UCK2: variants seen among roughly 807,000 people sequenced by gnomAD.
The protein encoded by UCK2 is uridine-cytidine kinase 2.
UCK2 carries 6 observed loss-of-function variants against 30.8 expected under a neutral mutation model. The ratio of observed to expected loss-of-function variants is 0.19; its 90% confidence interval spans 0.11 to 0.38. The LOEUF (loss-of-function observed/expected upper bound fraction) is 0.38. Ranked by LOEUF, UCK2 falls within the 10% of genes least tolerant of loss-of-function variation. The pLI, the probability that UCK2 is intolerant of heterozygous loss-of-function variation, is 1.00. For synonymous variants in UCK2, 125 were observed against 133.6 expected (o/e 0.94, Z 0.45); for missense variants, 210 against 339.8 (o/e 0.62, Z 3.00).
intron 4 of UCK2, chr1:165,900,509 A>G (rs1647420829): frequency 6.6e-6 from 1 of 152,262 alleles, no homozygotes. Context: ...CCATAGAGGT[A>G]GAACAAGAAG....
intron 1 of UCK2, among the ~76,000 whole-genome samples, chr1:165,831,388 G>T (rs1194790250): frequency 6.6e-6 from 1 of 152,102 alleles, no homozygotes; most frequent in African/African-American, 2.4e-5. Flanking sequence ...CATCTCAAAA[G>T]CAAACCAAAC....
intron 3 of UCK2, chr1:165,891,632 G>A (rs1373338695): frequency 1.1e-5 from 3 of 272,742 alleles, no homozygotes; most frequent in African/African-American, 2.2e-5. Flanking sequence ...CAGTGCTGCT[G>A]TTCCTGGAAC....
At chr1:165,845,012 A>G (rs375938595) in intron 1 of UCK2, among the ~76,000 whole-genome samples, 13 of 152,304 alleles carry the variant, frequency 8.5e-5, no homozygotes, top group African/African-American at 3.1e-4. Flanking sequence ...TAGCAAATTA[A>G]TCGAACCTGA....
rs568459555 is a variant in UCK2 at position 165,872,817 on chromosome 1, G to T, written c.100-17387G>T. Among the ~76,000 whole-genome samples the T allele has an allele frequency of 8.5e-5, 13 of 152,260 alleles. No individual in the cohort carries two copies. In the East Asian group the frequency reaches 2.5e-3, roughly 29 times the overall value. ...TGTTTGAAAAAAATCATTCACACAT[G>T]GTTTTATATGTAGGGACTGCCTCTG... On this transcript the variant is annotated intron_variant, in intron 1 of 6. Coordinates refer to ENST00000367879, the MANE Select transcript of UCK2 (RefSeq NM_012474.5).
chr1:165,856,634 G>A (rs1373572639), intron 1 of UCK2, among the ~76,000 whole-genome samples: 1 of 152,140 alleles, frequency 6.6e-6, no homozygotes, highest in African/African-American at 2.4e-5. Flanking sequence ...AATGATTTCA[G>A]TAAGTGAACT....
intron 1 of UCK2, among the ~76,000 whole-genome samples, chr1:165,867,727 T>G (rs905108812): frequency 6.6e-6 from 1 of 152,258 alleles, no homozygotes; most frequent in Non-Finnish European, 1.5e-5. Flanking sequence ...TCTTGCTGTT[T>G]CCACTACATC....
intron 1 of UCK2, among the ~76,000 whole-genome samples, chr1:165,836,347 T>G (rs1419876082): frequency 1.3e-5 from 2 of 152,362 alleles, no homozygotes; most frequent in East Asian, 3.9e-4. Context: ...CTGTGGATAA[T>G]TACTATTTAA....
At chr1:165,883,132 G>C (rs1655541470) in intron 1 of UCK2, among the ~76,000 whole-genome samples, 2 of 152,096 alleles carry the variant, frequency 1.3e-5, no homozygotes, top group Admixed American at 6.5e-5. Context: ...ATGGCTCTCA[G>C]CTCTAATTAT....
At position 165,890,805 on chromosome 1, in the gene UCK2, G is replaced by A. The variant is rs1036307781; in HGVS notation, c.260-421G>A. 18 of 264,484 alleles carry A rather than the reference G, an allele frequency of 6.8e-5. 1 individual carries two copies. In the East Asian group the frequency reaches 1.5e-3, roughly 21 times the overall value. The allele number at this position is 264,484 out of a possible 1,614,324, so 16.4% of individuals were successfully genotyped here. On this transcript the variant is annotated intron_variant, in intron 2 of 6. Transcript: ENST00000367879. The stretch of plus-strand genomic sequence containing the variant: ...GTTTTTGCCCTACAGCCCTAGATCA[G>A]CACACTGCTCCTTTAGCTGGCTTGG...
Position 165,830,239 on chromosome 1 carries a change from A to G in UCK2, c.99+2307A>G, listed in dbSNP as rs967579071. On this transcript the variant is annotated intron_variant, in intron 1 of 6. Coordinates refer to ENST00000367879, the MANE Select transcript of UCK2 (RefSeq NM_012474.5). Reference sequence around the variant, plus strand: ...GGCTGATCTCAAATGCCTAGACTTAAGTGATCCGCCCGCCTCTGCCTCCCA... The same window carrying G: ...GGCTGATCTCAAATGCCTAGACTTAGGTGATCCGCCCGCCTCTGCCTCCCA... 1.8e-3 allele frequency among the ~76,000 whole-genome samples: 268 copies of G among 151,730 alleles called. 1 individual carries two copies. The highest frequency in any genetic ancestry group is 6.3e-3 in the African/African-American group (261 of 41,448).
At chr1:165,841,431 C>G (rs751683477) in intron 1 of UCK2, among the ~76,000 whole-genome samples, 1 of 152,004 alleles carries the variant, frequency 6.6e-6, no homozygotes, top group African/African-American at 2.4e-5. Flanking sequence ...TGATCCACCC[C>G]CAATCAGCCT....
At chr1:165,863,434 G>T (rs905738486) in intron 1 of UCK2, among the ~76,000 whole-genome samples, 2 of 152,170 alleles carry the variant, frequency 1.3e-5, no homozygotes, top group African/African-American at 4.8e-5. Flanking sequence ...TTGTTAAGCA[G>T]ATCTTCAGTA....
At chr1:165,890,463 G>T (rs1310459686) in intron 2 of UCK2, 100 bp downstream of exon 2, 2 of 1,229,786 alleles carry the variant, frequency 1.6e-6, no homozygotes, top group African/African-American at 3.0e-5. Flanking sequence ...TCGGAATCTT[G>T]TTTCTATCTA....
chr1:165,878,927 C>G (rs1303100936), intron 1 of UCK2, among the ~76,000 whole-genome samples: 1 of 152,146 alleles, frequency 6.6e-6, no homozygotes. Flanking sequence ...ATTTTGCAGC[C>G]CTACCAGCAA....
intron 1 of UCK2, among the ~76,000 whole-genome samples, chr1:165,840,332 G>A (rs1322218973): frequency 6.6e-6 from 1 of 152,240 alleles, no homozygotes; most frequent in East Asian, 1.9e-4. Flanking sequence ...ATTGTGGAAT[G>A]GTTAAATCAG....
At chr1:165,879,688 T>C (rs74118937) in intron 1 of UCK2, among the ~76,000 whole-genome samples, 3 of 151,974 alleles carry the variant, frequency 2.0e-5, no homozygotes, top group African/African-American at 7.3e-5. Context: ...TCTTTTCTCT[T>C]TTTTGATTCT....
intron 1 of UCK2, among the ~76,000 whole-genome samples, chr1:165,881,058 A>G (rs1655488318): frequency 6.6e-6 from 1 of 151,956 alleles, no homozygotes; most frequent in Admixed American, 6.6e-5. Context: ...CTATAGTCCC[A>G]GCTACTCGTT....
At chr1:165,865,202 CTAAGT>C (rs1466984910) in intron 1 of UCK2, among the ~76,000 whole-genome samples, 3 of 152,198 alleles carry the variant, frequency 2.0e-5, no homozygotes, top group African/African-American at 7.2e-5. Flanking sequence ...GGGCATCTTC[CTAAGT>C]TAATTTTTTG....
chr1:165,896,010 GC>G, intron 3 of UCK2, 179 bp from the exon 4 acceptor site: 1 of 746,654 alleles, frequency 1.3e-6, no homozygotes, highest in Non-Finnish European at 2.2e-6. Context: ...ATCACCCTTG[GC>G]TCTTTGGTGG....
Sources: allele counts gnomAD v4.1 joint callset (sites outside exome capture counted in the v4.1 genomes callset), GRCh38; gene constraint gnomAD v4.1.1; transcripts MANE v1.5; gene names NCBI Gene and HGNC (gene_info 2026-07-23, HGNC 2026-07-21).